Variants in TEX9 observed in about 807,000 individuals in gnomAD.
TEX9 encodes the protein testis-expressed protein 9.
TEX9 carries 74 observed loss-of-function variants against 59.6 expected under a neutral mutation model. The observed-to-expected ratio is 1.24, with a 90% CI of 1.03 to 1.51. The LOEUF (loss-of-function observed/expected upper bound fraction) is 1.51, where lower values mean the gene tolerates loss of function less well. TEX9 is among the 40% of genes most tolerant of loss of function. TEX9 has a pLI of 0.00. For synonymous variants in TEX9, 186 were observed against 152.2 expected (o/e 1.22, Z -1.64); for missense variants, 522 against 447.8 (o/e 1.17, Z -1.49).
intron 10 of TEX9, among the ~76,000 whole-genome samples, chr15:56,414,155 A>G (rs2049545657): frequency 6.6e-6 from 1 of 151,838 alleles, no homozygotes; most frequent in African/African-American, 2.4e-5. Flanking sequence ...TGACCTCTAT[A>G]TTGTATTAGT....
intron 3 of TEX9, 55 bp downstream of exon 3, chr15:56,373,559 T>C: frequency 7.1e-7 from 1 of 1,403,172 alleles, no homozygotes; most frequent in Non-Finnish European, 9.5e-7. Context: ...TTTTTATCTT[T>C]TTCATTTGAT....
intron 1 of TEX9, among the ~76,000 whole-genome samples, chr15:56,300,708 G>GAGGGAGAGAGA (rs2045331855): frequency 2.4e-4 from 25 of 102,714 alleles, no homozygotes; most frequent in African/African-American, 9.1e-4. Flanking sequence ...AGAGAGAGAG[G>GAGGGAGAGAGA]GAGAGAGAGA....
intron 12 of TEX9, chr15:56,434,365 T>C: frequency 6.2e-7 from 1 of 1,612,782 alleles, no homozygotes; most frequent in Non-Finnish European, 8.5e-7. Flanking sequence ...TTCATCTCTT[T>C]TTGCTTTCTC....
At chr15:56,390,549 C>G (rs1471694155) in intron 6 of TEX9, among the ~76,000 whole-genome samples, 1 of 151,874 alleles carries the variant, frequency 6.6e-6, no homozygotes, top group African/African-American at 2.4e-5. Flanking sequence ...CTTTCAGAAC[C>G]ATAAATTTGT....
intron 12 of TEX9, chr15:56,445,652 C>G (rs1186161491): frequency 6.6e-6 from 1 of 151,608 alleles, no homozygotes; most frequent in African/African-American, 2.4e-5. Context: ...TTACCGAAAA[C>G]AATGTTCTCA....
the TEX9 span, among the ~76,000 whole-genome samples, chr15:56,452,166 T>C: frequency 6.6e-6 from 1 of 152,164 alleles, no homozygotes. Flanking sequence ...GATGATTCAC[T>C]AGGAGGATAC....
chr15:56,338,860 T>C (rs1442970607), intron 1 of TEX9, among the ~76,000 whole-genome samples: 3 of 151,694 alleles, frequency 2.0e-5, no homozygotes, highest in Non-Finnish European at 4.4e-5. Flanking sequence ...AGAGGTTGCA[T>C]TGAGCCAAGA....
At chr15:56,256,823 G>C (rs1427048141) in intron 1 of TEX9, among the ~76,000 whole-genome samples, 3 of 151,982 alleles carry the variant, frequency 2.0e-5, no homozygotes, top group African/African-American at 7.2e-5. Flanking sequence ...AGATATACAC[G>C]TTTGTTACAT....
At chr15:56,265,975 C>T (rs1567066824) in intron 1 of TEX9, among the ~76,000 whole-genome samples, 1 of 152,136 alleles carries the variant, frequency 6.6e-6, no homozygotes, top group Non-Finnish European at 1.5e-5. Flanking sequence ...TTCTTGGGTG[C>T]TCTGAGCCAC....
At chr15:56,247,771 G>C (rs1283865732) in intron 1 of TEX9, among the ~76,000 whole-genome samples, 4 of 152,164 alleles carry the variant, frequency 2.6e-5, no homozygotes, top group Non-Finnish European at 4.4e-5. Context: ...CACAAAGTAT[G>C]GTGGTTTACC....
At chr15:56,383,953 G>A in exon 4 of TEX9, 1 of 1,609,044 alleles carries the variant, frequency 6.2e-7, no homozygotes, top group South Asian at 1.1e-5. Context: ...TCATTTAAGA[G>A]AGATCGGCAA....
intron 12 of TEX9, among the ~76,000 whole-genome samples, chr15:56,435,944 A>G (rs1464823723): frequency 1.3e-5 from 2 of 152,218 alleles, no homozygotes; most frequent in East Asian, 3.9e-4. Flanking sequence ...ATTATTCACC[A>G]TGACCAAGTA....
intron 1 of TEX9, among the ~76,000 whole-genome samples, chr15:56,349,574 T>C (rs1386414583): frequency 6.6e-6 from 1 of 152,132 alleles, no homozygotes; most frequent in Non-Finnish European, 1.5e-5. Context: ...CTAAAGCTAT[T>C]AAAATAGGAA....
At chr15:56,317,399 T>C (rs1240465794) in intron 1 of TEX9, among the ~76,000 whole-genome samples, 1 of 152,236 alleles carries the variant, frequency 6.6e-6, no homozygotes, top group African/African-American at 2.4e-5. Context: ...TTATTCTTAA[T>C]GTTAGCAATT....
chr15:56,288,641 TC>T (rs1420073781), intron 1 of TEX9, among the ~76,000 whole-genome samples: 3 of 117,990 alleles, frequency 2.5e-5, no homozygotes, highest in Non-Finnish European at 6.3e-5. Context: ...ACAATTTGTT[TC>T]TTTTCTCTTG....
chr15:56,279,618 T>C (rs2044765505), intron 1 of TEX9, among the ~76,000 whole-genome samples: 1 of 152,202 alleles, frequency 6.6e-6, no homozygotes, highest in Non-Finnish European at 1.5e-5. Flanking sequence ...TTTATGGAAT[T>C]TAAGCCCTAA....
chr15:56,373,625 A>G, intron 3 of TEX9, 121 bp downstream of exon 3: 1 of 743,752 alleles, frequency 1.3e-6, no homozygotes, highest in Non-Finnish European at 2.0e-6. Context: ...TCAATGAATT[A>G]TTACAAATTG....
chr15:56,405,507 T>C (rs1352382137), intron 9 of TEX9, among the ~76,000 whole-genome samples: 1 of 152,152 alleles, frequency 6.6e-6, no homozygotes, highest in Non-Finnish European at 1.5e-5. Flanking sequence ...TATCACTCTT[T>C]AAGAGTTTAA....
At chr15:56,315,663 C>A (rs1466174704) in intron 1 of TEX9, among the ~76,000 whole-genome samples, 1 of 139,818 alleles carries the variant, frequency 7.2e-6, no homozygotes, top group East Asian at 2.0e-4. Flanking sequence ...ATCTTTGTGG[C>A]GTTCTCTGTA....
Sources: gnomAD v4.1 joint callset for allele counts (sites outside exome capture counted in the v4.1 genomes callset) on GRCh38, gnomAD v4.1.1 for gene constraint, MANE v1.5 for transcripts, NCBI Gene and HGNC (gene_info 2026-07-23, HGNC 2026-07-21) for gene names.